Variants in TSPAN10 observed in about 807,000 individuals in gnomAD.
The protein encoded by TSPAN10 is tetraspanin 10.
TSPAN10 carries 11 observed loss-of-function variants against 15.0 expected under a neutral mutation model. The observed-to-expected ratio is 0.73, with a 90% CI of 0.46 to 1.21. The LOEUF (loss-of-function observed/expected upper bound fraction) is 1.21. Among genes scored for constraint, TSPAN10 ranks in the 50% most tolerant of loss-of-function variants. The pLI, the probability that TSPAN10 is intolerant of heterozygous loss-of-function variation, is 0.00. For missense variants in TSPAN10, 486 were observed against 470.6 expected, an observed-to-expected ratio of 1.03 and a Z score of -0.30; for synonymous variants, 241 against 226.2, an observed-to-expected ratio of 1.07 and a Z score of -0.59.
upstream of TSPAN10, among the ~76,000 whole-genome samples, chr17:81,641,515 G>A (rs1005982364): frequency 6.6e-6 from 1 of 151,824 alleles, no homozygotes; most frequent in Admixed American, 6.6e-5. Flanking sequence ...CTTGCCCGGT[G>A]TGCTCCCACC....
At chr17:81,645,325 C>A in exon 2 of TSPAN10, 1 of 1,558,774 alleles carries the variant, frequency 6.4e-7, no homozygotes. Context: ...CATGCTGGGG[C>A]TGGCACTGGG....
At chr17:81,643,770 C>G (rs2036205451) in intron 1 of TSPAN10, among the ~76,000 whole-genome samples, 1 of 152,054 alleles carries the variant, frequency 6.6e-6, no homozygotes, top group Non-Finnish European at 1.5e-5. Context: ...CCTGGTGAAA[C>G]TGGATTGGAA....
upstream of TSPAN10, among the ~76,000 whole-genome samples, chr17:81,639,706 C>T (rs936880962): frequency 2.0e-5 from 3 of 151,650 alleles, no homozygotes; most frequent in East Asian, 2.0e-4. Context: ...CATCCCAGCG[C>T]GGTGGCTCAC....
upstream of TSPAN10, chr17:81,638,438 A>G (rs1011730995): frequency 6.6e-6 from 1 of 152,132 alleles, no homozygotes; most frequent in Non-Finnish European, 1.5e-5. Flanking sequence ...AGCTGGGACT[A>G]CAGGCGCACA....
upstream of TSPAN10, among the ~76,000 whole-genome samples, chr17:81,642,018 T>A (rs1212931507): frequency 2.6e-5 from 4 of 152,072 alleles, no homozygotes; most frequent in African/African-American, 9.7e-5. Flanking sequence ...AGGGTCTGAT[T>A]CCCTGGTTGG....
At chr17:81,647,674 C>G (rs1414259862) in intron 2 of TSPAN10, 1 of 645,224 alleles carries the variant, frequency 1.5e-6, no homozygotes, top group Non-Finnish European at 2.8e-6. Context: ...ACCACCCCTA[C>G]CTGCAAGCGC....
intron 1 of TSPAN10, among the ~76,000 whole-genome samples, chr17:81,644,547 A>G (rs1263793534): frequency 6.6e-6 from 1 of 152,210 alleles, no homozygotes; most frequent in Non-Finnish European, 1.5e-5. Context: ...CTGCAGGCAC[A>G]CACAGACTGA....
exon 3 of TSPAN10, chr17:81,648,141 G>T: frequency 6.5e-7 from 1 of 1,529,456 alleles, no homozygotes; most frequent in Non-Finnish European, 8.7e-7. Context: ...TGCTGCTGCA[G>T]GGCGCGGAGC....
chr17:81,645,167 C>T, exon 2 of TSPAN10: 2 of 1,556,464 alleles, frequency 1.3e-6, no homozygotes, highest in South Asian at 1.2e-5. Flanking sequence ...TCCCTCTCCC[C>T]AGGGAGCAGC....
downstream of TSPAN10, chr17:81,648,620 G>A (rs2036294701): frequency 8.6e-6 from 2 of 231,316 alleles, no homozygotes; most frequent in Non-Finnish European, 1.7e-5. Context: ...CTCCCCTGGG[G>A]CCGCCACCCC....
chr17:81,645,025 A>G, exon 2 of TSPAN10: 1 of 1,597,748 alleles, frequency 6.3e-7, no homozygotes, highest in Non-Finnish European at 8.6e-7. Context: ...CTCTGTGCAC[A>G]GGCCACCCAC....
exon 3 of TSPAN10, chr17:81,647,978 G>T (rs528873982): frequency 6.2e-7 from 1 of 1,611,432 alleles, no homozygotes; most frequent in South Asian, 1.1e-5. Context: ...CGCGAAGATG[G>T]AGCCTCTGTC....
intron 1 of TSPAN10, 59 bp from the exon 3 acceptor site, chr17:81,644,928 CCCTCA>C (rs2036222693): frequency 1.3e-6 from 2 of 1,592,398 alleles, no homozygotes; most frequent in African/African-American, 2.7e-5. Flanking sequence ...CTTCCCTGAC[CCCTCA>C]CCAGTTGTCA....
chr17:81,640,932 G>A (rs1035807811), upstream of TSPAN10, among the ~76,000 whole-genome samples: 1 of 152,052 alleles, frequency 6.6e-6, no homozygotes, highest in African/African-American at 2.4e-5. Flanking sequence ...CAGCACTTTG[G>A]GAGGAGGAGG....
upstream of TSPAN10, among the ~76,000 whole-genome samples, chr17:81,641,876 T>TCGAAAA (rs201873710): frequency 1.5e-4 from 15 of 101,426 alleles, no homozygotes; most frequent in African/African-American, 5.8e-4. Flanking sequence ...AAACTCAGTC[T>TCGAAAA]CAAAAACAAA....
At chr17:81,648,195 G>T (rs7406494) in exon 3 of TSPAN10, 1,388,530 of 1,399,066 alleles carry the variant, frequency 0.99, 689,091 homozygotes, top group East Asian at 1. Flanking sequence ...CTGCCCGCAG[G>T]GGGGCGGCGT....
rs1171329597 is a variant in TSPAN10, at chr17:81,644,977, C to T, written c.37-15C>T. The T allele has an allele frequency of 6.2e-7, 1 of 1,609,496 alleles. No individual in the cohort carries two copies. Among genetic ancestry groups the T allele is most frequent in the Admixed American group, 1.7e-5 (1 of 59,814 alleles). On this transcript the variant is annotated splice_polypyrimidine_tract_variant and intron_variant, in intron 1 of 2. Transcript: ENST00000611590. ...GGGTGAATGCGGTCTCACCCTGTTC[C>T]TCTTCCCTCTGCAGGAAACTGCAGG...
At chr17:81,641,161 G>A (rs1262538237), upstream of TSPAN10, among the ~76,000 whole-genome samples, 1 of 150,328 alleles carries the variant, frequency 6.7e-6, no homozygotes, top group Non-Finnish European at 1.5e-5. Context: ...CGAGACTCTT[G>A]TCTCAAAAAA....
At chr17:81,641,439 C>T (rs1328704132), upstream of TSPAN10, among the ~76,000 whole-genome samples, 1 of 152,108 alleles carries the variant, frequency 6.6e-6, no homozygotes, top group Non-Finnish European at 1.5e-5. Context: ...CCTGTCACCT[C>T]ATGGACCTCC....
Sources: allele counts gnomAD v4.1 joint callset (sites outside exome capture counted in the v4.1 genomes callset), GRCh38; gene constraint gnomAD v4.1.1; transcripts MANE v1.5; gene names NCBI Gene and HGNC (gene_info 2026-07-23, HGNC 2026-07-21).